CGNL1: variants seen among roughly 807,000 people sequenced by gnomAD.
The protein encoded by CGNL1 is cingulin like 1.
Under a neutral mutation model 141.2 loss-of-function variants are expected in CGNL1, and 132 were observed. The ratio of observed to expected loss-of-function variants is 0.93; its 90% confidence interval spans 0.81 to 1.08. The LOEUF is 1.08. Ranked by LOEUF, CGNL1 falls within the 50% of genes least tolerant of loss-of-function variation. The pLI is 0.00. For missense variants in CGNL1, 1,870 were observed against 1,588.6 expected (o/e 1.18, Z -3.01); for synonymous variants, 690 against 622.1 (o/e 1.11, Z -1.63).
At chr15:57,392,028 A>T (rs1484768171) in intron 1 of CGNL1, among the ~76,000 whole-genome samples, 1 of 150,802 alleles carries the variant, frequency 6.6e-6, no homozygotes, top group Non-Finnish European at 1.5e-5. Context: ...TCAGCACCAT[A>T]AGATGGTGAA....
At chr15:57,394,257 G>A (rs1165193382) in intron 1 of CGNL1, among the ~76,000 whole-genome samples, 1 of 151,866 alleles carries the variant, frequency 6.6e-6, no homozygotes, top group Non-Finnish European at 1.5e-5. Flanking sequence ...CTGAGTAGCT[G>A]GGATTATAGG....
At chr15:57,465,307 A>G (rs2063497347) in intron 8 of CGNL1, among the ~76,000 whole-genome samples, 1 of 152,052 alleles carries the variant, frequency 6.6e-6, no homozygotes, top group East Asian at 1.9e-4. Flanking sequence ...TGTTTCTTAA[A>G]TATGTGCTCT....
At chr15:57,523,170 A>G (rs1387670476) in intron 10 of CGNL1, among the ~76,000 whole-genome samples, 1 of 152,218 alleles carries the variant, frequency 6.6e-6, no homozygotes, top group Non-Finnish European at 1.5e-5. Context: ...AATTTCAAGC[A>G]TGAACATTCA....
At chr15:57,413,183 TTCTC>T (rs1287605447) in intron 1 of CGNL1, among the ~76,000 whole-genome samples, 2 of 150,378 alleles carry the variant, frequency 1.3e-5, no homozygotes, top group Non-Finnish European at 3.0e-5. Flanking sequence ...CTTTCTTTCT[TTCTC>T]TCTTTCTCTT....
chr15:57,401,404 G>A (rs906646190), intron 1 of CGNL1, among the ~76,000 whole-genome samples: 31 of 152,076 alleles, frequency 2.0e-4, no homozygotes, highest in Non-Finnish European at 4.0e-4. Flanking sequence ...ACTCCAAACC[G>A]TCCGTCAGAA....
intron 1 of CGNL1, among the ~76,000 whole-genome samples, chr15:57,435,115 A>T (rs2063089704): frequency 6.6e-6 from 1 of 152,216 alleles, no homozygotes. Context: ...GGATAGGTGT[A>T]TAGAAAAGAC....
Position 57,546,237 on chromosome 15 carries a change from A to C in CGNL1, c.3771A>C (p.Leu1257Phe). 6.3e-7 allele frequency: 1 copy of C among 1,576,898 alleles called. No individual in the cohort carries two copies. ...QGQLNSMKKD[L>F]RLKKLPSKVL... Reference sequence around the variant, plus strand: ...AGCTCAACTCCATGAAGAAGGACTTAAGGTGGGCAGGTGTGGAGGCCACAG... The same window carrying C: ...AGCTCAACTCCATGAAGAAGGACTTCAGGTGGGCAGGTGTGGAGGCCACAG... Residue 1257 changes from leucine (L) to phenylalanine (F), a missense_variant and splice_region_variant, in exon 18 of 19, where the codon TTA becomes TTC. Physicochemically the swap from Leu to Phe is conservative, Grantham distance 22. Coordinates refer to ENST00000281282, the MANE Select transcript of CGNL1 (RefSeq NM_032866.5).
chr15:57,431,286 TA>T (rs2063041610), intron 1 of CGNL1, among the ~76,000 whole-genome samples: 1 of 152,226 alleles, frequency 6.6e-6, no homozygotes, highest in South Asian at 2.1e-4. Flanking sequence ...ACCTCAAGTT[TA>T]TTTTTGAAAT....
intron 14 of CGNL1, among the ~76,000 whole-genome samples, chr15:57,538,012 C>T (rs1164146786): frequency 7.0e-6 from 1 of 142,878 alleles, no homozygotes; most frequent in Non-Finnish European, 1.6e-5. Context: ...TCCTCCCCGC[C>T]ACCCCCCGCC....
Position 57,548,847 on chromosome 15 carries a change from G to T in CGNL1, c.*1357G>T. ...GGGAAGGGAGATGAGAGAGGAGATA[G>T]GCAGATGTGGGTATGGGGCCCAGTG... On this transcript the variant is annotated 3_prime_UTR_variant, in exon 19 of 19. Coordinates refer to ENST00000281282, the MANE Select transcript of CGNL1 (RefSeq NM_032866.5). The T allele has an allele frequency of 6.6e-6, 1 of 152,370 alleles. No homozygotes were observed. Among genetic ancestry groups the T allele is most frequent in the East Asian group, 1.9e-4 (1 of 5,190 alleles). 9.4% of individuals were successfully genotyped at this position (152,370 alleles called of 1,614,324 possible). A position where few individuals can be genotyped will look rare whatever the true frequency, so the allele number is the denominator to read the frequency against.
intron 1 of CGNL1, among the ~76,000 whole-genome samples, chr15:57,383,637 T>C (rs1183491977): frequency 6.8e-6 from 1 of 146,534 alleles, no homozygotes; most frequent in East Asian, 2.0e-4. Context: ...TTTTCTTTTT[T>C]TTTTTGAGAT....
At chr15:57,436,593 A>G (rs536819936) in intron 1 of CGNL1, among the ~76,000 whole-genome samples, 1 of 152,330 alleles carries the variant, frequency 6.6e-6, no homozygotes, top group Admixed American at 6.5e-5. Flanking sequence ...CATAGTTACA[A>G]ACCACAATTT....
intron 6 of CGNL1, 110 bp from the exon 7 acceptor site, chr15:57,453,573 C>G: frequency 2.9e-6 from 4 of 1,384,750 alleles, no homozygotes; most frequent in Non-Finnish European, 3.9e-6. Flanking sequence ...AATGGGGAGG[C>G]TCCTTGGGGC....
At chr15:57,486,065 G>C (rs1178816164) in intron 8 of CGNL1, among the ~76,000 whole-genome samples, 1 of 152,174 alleles carries the variant, frequency 6.6e-6, no homozygotes, top group African/African-American at 2.4e-5. Flanking sequence ...GTGAGGGTGA[G>C]TCAGGAGCAG....
chr15:57,462,168 A>G (rs1433893546), intron 8 of CGNL1, among the ~76,000 whole-genome samples: 1 of 152,218 alleles, frequency 6.6e-6, no homozygotes, highest in African/African-American at 2.4e-5. Flanking sequence ...GAGGTTCTGC[A>G]GCCCCTTGCA....
At chr15:57,450,529 G>T (rs771246039) in intron 4 of CGNL1, among the ~76,000 whole-genome samples, 6 of 152,120 alleles carry the variant, frequency 3.9e-5, no homozygotes, top group African/African-American at 1.4e-4. Flanking sequence ...GTTCTGCCTC[G>T]GCCTCCCAAA....
chr15:57,412,856 C>G (rs1367807112), intron 1 of CGNL1, among the ~76,000 whole-genome samples: 1 of 152,064 alleles, frequency 6.6e-6, no homozygotes, highest in South Asian at 2.1e-4. Flanking sequence ...CTCTTAGTAT[C>G]TCAGTTTCTT....
intron 8 of CGNL1, among the ~76,000 whole-genome samples, chr15:57,499,149 G>A (rs1450834680): frequency 1.3e-5 from 2 of 151,928 alleles, no homozygotes; most frequent in Non-Finnish European, 2.9e-5. Flanking sequence ...GGAAACGTTG[G>A]CAGCTTGGAG....
intron 8 of CGNL1, among the ~76,000 whole-genome samples, chr15:57,479,912 G>C (rs1449081570): frequency 3.3e-5 from 5 of 152,048 alleles, no homozygotes; most frequent in African/African-American, 1.2e-4. Flanking sequence ...AGGATAAAGG[G>C]GGAAAAGATG....
Sources: gnomAD v4.1 joint callset for allele counts (sites outside exome capture counted in the v4.1 genomes callset) on GRCh38, gnomAD v4.1.1 for gene constraint, MANE v1.5 for transcripts, NCBI Gene and HGNC (gene_info 2026-07-23, HGNC 2026-07-21) for gene names.